Variants in GALNT16 observed in about 807,000 individuals in gnomAD.
GALNT16 encodes the protein UDP-GalNAc:polypeptide N-acetylgalactosaminyltransferase-like protein 1.
In GALNT16, 40 loss-of-function variants were observed where a neutral mutation model predicts 76.1. That is an observed-to-expected ratio of 0.53 (90% confidence interval 0.41 to 0.68). The LOEUF (loss-of-function observed/expected upper bound fraction) is 0.68. Ranked by LOEUF, GALNT16 falls within the 30% of genes least tolerant of loss-of-function variation. GALNT16 has a pLI of 0.00. For synonymous variants in GALNT16, 276 were observed against 285.2 expected, an observed-to-expected ratio of 0.97 and a Z score of 0.32; for missense variants, 621 against 731.9, an observed-to-expected ratio of 0.85 and a Z score of 1.75.
At chr14:69,285,374 A>G (rs1456092257) in intron 1 of GALNT16, among the ~76,000 whole-genome samples, 1 of 152,054 alleles carries the variant, frequency 6.6e-6, no homozygotes, top group Non-Finnish European at 1.5e-5. Flanking sequence ...AGGGACTATA[A>G]AAGTGCCTGC....
chr14:69,316,167 G>A lies in GALNT16; in HGVS notation c.178-4544G>A, dbSNP rs554836378. Among the ~76,000 whole-genome samples the A allele has an allele frequency of 5.9e-5, 9 of 152,280 alleles. No homozygotes were observed. In the East Asian group the frequency reaches 1.7e-3, roughly 29 times the overall value. ...ACAGTCCTGCCAGAAGCCTATGAGT[G>A]GGGAAGAAGATCTCCAAGACAGGCA... On this transcript the variant is annotated intron_variant, in intron 1 of 14. Transcript: ENST00000448469.
the GALNT16 span, among the ~76,000 whole-genome samples, chr14:69,372,379 A>T: frequency 6.7e-6 from 1 of 149,360 alleles, no homozygotes; most frequent in Non-Finnish European, 1.5e-5. Context: ...GTGGAATCCC[A>T]ATATCTACAC....
At chr14:69,265,053 G>T (rs1428307271) in intron 1 of GALNT16, among the ~76,000 whole-genome samples, 1 of 151,950 alleles carries the variant, frequency 6.6e-6, no homozygotes, top group African/African-American at 2.4e-5. Context: ...GGACTCAAGG[G>T]GATCCTCCCA....
intron 1 of GALNT16, among the ~76,000 whole-genome samples, chr14:69,262,126 C>T (rs758397096): frequency 6.6e-6 from 1 of 152,214 alleles, no homozygotes; most frequent in Non-Finnish European, 1.5e-5. Context: ...TAGTCTCAGG[C>T]AAGGCAGGCT....
chr14:69,341,220 T>C (rs1398429812), intron 11 of GALNT16, among the ~76,000 whole-genome samples: 1 of 152,174 alleles, frequency 6.6e-6, no homozygotes, highest in Non-Finnish European at 1.5e-5. Context: ...TGGGTGTACC[T>C]GAGGAAGGTG....
downstream of GALNT16, chr14:69,354,841 T>G (rs1455054): frequency 0.04 from 6,046 of 152,466 alleles, 157 homozygotes; most frequent in East Asian, 0.066. Context: ...GTGCTTGCCT[T>G]TAGCCAGCCC....
intron 1 of GALNT16, among the ~76,000 whole-genome samples, chr14:69,295,076 A>G (rs953087865): frequency 6.6e-6 from 1 of 152,128 alleles, no homozygotes; most frequent in Non-Finnish European, 1.5e-5. Context: ...TTACGAAAAA[A>G]TTTAAACATA....
chr14:69,269,800 ATTTGTGTG>A (rs1307348665), intron 1 of GALNT16, among the ~76,000 whole-genome samples: 1 of 135,406 alleles, frequency 7.4e-6, no homozygotes, highest in African/African-American at 3.3e-5. Context: ...GTCTGTGTGC[ATTTGTGTG>A]TTTGTGTGTG....
At chr14:69,313,486 G>A (rs534550830) in intron 1 of GALNT16, among the ~76,000 whole-genome samples, 9 of 151,382 alleles carry the variant, frequency 5.9e-5, no homozygotes, top group Non-Finnish European at 1.2e-4. Context: ...AGGACCCTGG[G>A]TGGCTCAGAT....
At chr14:69,327,753 G>A (rs539791711) in intron 5 of GALNT16, among the ~76,000 whole-genome samples, 60 of 152,318 alleles carry the variant, frequency 3.9e-4, no homozygotes, top group African/African-American at 1.4e-3. Context: ...AGGGGCAGGA[G>A]AAGCTGGGCC....
intron 1 of GALNT16, among the ~76,000 whole-genome samples, chr14:69,282,691 A>G (rs1398032659): frequency 7.7e-6 from 1 of 129,994 alleles, no homozygotes; most frequent in African/African-American, 2.9e-5. Context: ...TTTGAGACAG[A>G]GTCTCCCTCT....
At chr14:69,260,136 A>ACCCCACCC, upstream of GALNT16, 5 of 113,994 alleles carry the variant, frequency 4.4e-5, 1 homozygote, top group South Asian at 4.3e-4. Context: ...TCTCCCTATC[A>ACCCCACCC]CCCCCCCGCC....
At chr14:69,323,878 G>A (rs970912632) in intron 2 of GALNT16, among the ~76,000 whole-genome samples, 2 of 152,190 alleles carry the variant, frequency 1.3e-5, no homozygotes, top group African/African-American at 4.8e-5. Context: ...GAGAGCAATT[G>A]TAATAAAGAA....
intron 1 of GALNT16, among the ~76,000 whole-genome samples, chr14:69,291,972 G>A (rs896469592): frequency 6.6e-6 from 1 of 152,176 alleles, no homozygotes; most frequent in African/African-American, 2.4e-5. Context: ...AACTTGGGAG[G>A]GGTTCAGATA....
chr14:69,296,728 T>TAGATC (rs1555397885), intron 1 of GALNT16, among the ~76,000 whole-genome samples: 1 of 141,956 alleles, frequency 7.0e-6, no homozygotes, highest in Admixed American at 7.0e-5. Context: ...GACAGATAGA[T>TAGATC]GATAGATAGA....
At chr14:69,302,595 G>A (rs888431987) in intron 1 of GALNT16, among the ~76,000 whole-genome samples, 1 of 152,174 alleles carries the variant, frequency 6.6e-6, no homozygotes, top group African/African-American at 2.4e-5. Flanking sequence ...TAAAAGGTGA[G>A]ATGCTCTAGT....
intron 1 of GALNT16, among the ~76,000 whole-genome samples, chr14:69,310,043 C>G (rs959132545): frequency 9.9e-5 from 15 of 152,160 alleles, no homozygotes; most frequent in Admixed American, 2.6e-4. Flanking sequence ...TCTCCCTCCC[C>G]ACTGCCATTT....
intron 1 of GALNT16, among the ~76,000 whole-genome samples, chr14:69,286,868 A>G (rs1457068327): frequency 6.6e-6 from 1 of 152,184 alleles, no homozygotes; most frequent in East Asian, 1.9e-4. Context: ...AAATTTTATA[A>G]TAAAATGTCG....
chr14:69,264,815 C>CTTTTTTTTTTTTTTTTTTTTTT (rs1436985515), intron 1 of GALNT16, among the ~76,000 whole-genome samples: 1 of 44,960 alleles, frequency 2.2e-5, no homozygotes, highest in African/African-American at 2.2e-4. Flanking sequence ...TTTTCTTTTT[C>CTTTTTTTTTTTTTTTTTTTTTT]TTTCTTTTTT....
Sources: allele counts gnomAD v4.1 joint callset (sites outside exome capture counted in the v4.1 genomes callset), GRCh38; gene constraint gnomAD v4.1.1; transcripts MANE v1.5; gene names NCBI Gene and HGNC (gene_info 2026-07-23, HGNC 2026-07-21).